Variants in CTNNA3 observed in about 807,000 individuals in gnomAD.
The protein encoded by CTNNA3 is catenin alpha 3.
Under a neutral mutation model 95.7 loss-of-function variants are expected in CTNNA3, and 76 were observed. That is an observed-to-expected ratio of 0.79 (90% CI 0.66 to 0.96). The LOEUF (loss-of-function observed/expected upper bound fraction) is 0.96, where lower values mean the gene tolerates loss of function less well. Among genes scored for constraint, CTNNA3 ranks in the 40% least tolerant of loss-of-function variants. The pLI is 0.00. For synonymous variants in CTNNA3, 431 were observed against 374.4 expected, an observed-to-expected ratio of 1.15 and a Z score of -1.74; for missense variants, 1,191 against 1,089.8, an observed-to-expected ratio of 1.09 and a Z score of -1.31.
intron 6 of CTNNA3, among the ~76,000 whole-genome samples, chr10:67,213,636 T>C (rs1193607679): frequency 6.6e-6 from 1 of 151,836 alleles, no homozygotes; most frequent in Non-Finnish European, 1.5e-5. Context: ...GTTGTTATTA[T>C]ACATTATCAT....
intron 9 of CTNNA3, among the ~76,000 whole-genome samples, chr10:66,656,443 A>T (rs1321054641): frequency 1.3e-5 from 2 of 152,112 alleles, no homozygotes; most frequent in East Asian, 3.9e-4. Context: ...CAGGTGAAGT[A>T]GAAGGAGCAG....
chr10:67,407,636 G>T (rs1845187515), intron 5 of CTNNA3, among the ~76,000 whole-genome samples: 1 of 152,192 alleles, frequency 6.6e-6, no homozygotes, highest in African/African-American at 2.4e-5. Flanking sequence ...CTCTTCGTTT[G>T]CAGGTGACAT....
chr10:67,084,654 C>T (rs1324171369), intron 7 of CTNNA3, among the ~76,000 whole-genome samples: 3 of 151,744 alleles, frequency 2.0e-5, no homozygotes, highest in African/African-American at 7.3e-5. Context: ...GTAACAGATA[C>T]TTTGATAACT....
chr10:67,289,777 T>TGGATGGAC (rs1416131199), intron 5 of CTNNA3, among the ~76,000 whole-genome samples: 3 of 139,192 alleles, frequency 2.2e-5, no homozygotes, highest in African/African-American at 1.0e-4. Context: ...GATGGATGGA[T>TGGATGGAC]GGACGGATGG....
At chr10:67,323,520 A>G (rs1841412192) in intron 5 of CTNNA3, among the ~76,000 whole-genome samples, 1 of 152,032 alleles carries the variant, frequency 6.6e-6, no homozygotes, top group Non-Finnish European at 1.5e-5. Flanking sequence ...AAGATCAGAT[A>G]GTTGAGGTGT....
rs2077000901 is a variant in CTNNA3 at position 65,915,839 on chromosome 10, G to A, written c.*4491C>T. On this transcript the variant is annotated 3_prime_UTR_variant, in exon 18 of 18. Coordinates refer to ENST00000433211, the MANE Select transcript of CTNNA3 (RefSeq NM_013266.4). ...TTTATTTTGCTTTAATAGAATATAT[G>A]TTTTTGTTCATATGAATTGGTTAAA... 1 of 152,126 alleles carries A rather than the reference G, an allele frequency of 6.6e-6. No homozygotes were observed. The highest frequency in any genetic ancestry group is 1.5e-5 in the Non-Finnish European group (1 of 68,010). The allele number at this position is 152,126 out of a possible 1,614,324, so 9.4% of individuals were successfully genotyped here. A position where few individuals can be genotyped will look rare whatever the true frequency, so the allele number is the denominator to read the frequency against.
At chr10:66,549,059 G>A (rs185368643) in intron 10 of CTNNA3, among the ~76,000 whole-genome samples, 9 of 129,168 alleles carry the variant, frequency 7.0e-5, no homozygotes, top group South Asian at 2.5e-4. Flanking sequence ...CGCAATCTCC[G>A]CTCACTGCAA....
chr10:66,199,225 G>C (rs1248501055), intron 13 of CTNNA3, among the ~76,000 whole-genome samples: 3 of 152,078 alleles, frequency 2.0e-5, no homozygotes, highest in Non-Finnish European at 4.4e-5. Flanking sequence ...CATAGAGCTA[G>C]TGGAAACATC....
chr10:67,243,337 T>C (rs1169118471), intron 5 of CTNNA3, among the ~76,000 whole-genome samples: 2 of 152,318 alleles, frequency 1.3e-5, no homozygotes, highest in East Asian at 3.9e-4. Flanking sequence ...TATACACCCT[T>C]GCTCTGTTCC....
chr10:66,824,708 G>A (rs1252296283), intron 7 of CTNNA3, among the ~76,000 whole-genome samples: 1 of 152,078 alleles, frequency 6.6e-6, no homozygotes, highest in Non-Finnish European at 1.5e-5. Flanking sequence ...ATTGAAAGAC[G>A]TTCTATAAAA....
intron 11 of CTNNA3, among the ~76,000 whole-genome samples, chr10:66,404,774 T>G (rs1038573326): frequency 1.6e-5 from 2 of 126,282 alleles, no homozygotes; most frequent in African/African-American, 7.1e-5. Context: ...ATGAGGTTTT[T>G]CCTGTGGGTT....
At chr10:67,684,897 GTGT>G (rs1167494078) in intron 1 of CTNNA3, among the ~76,000 whole-genome samples, 2 of 152,232 alleles carry the variant, frequency 1.3e-5, no homozygotes, top group Non-Finnish European at 2.9e-5. Context: ...AGTTTGAAAG[GTGT>G]TGTCTGATTT....
chr10:66,026,406 C>T (rs1380927315), intron 15 of CTNNA3, among the ~76,000 whole-genome samples: 1 of 152,084 alleles, frequency 6.6e-6, no homozygotes, highest in African/African-American at 2.4e-5. Context: ...CCGGTTTAGT[C>T]TCGATTGTTC....
chr10:66,809,547 G>A (rs891729449), intron 7 of CTNNA3, among the ~76,000 whole-genome samples: 36 of 152,024 alleles, frequency 2.4e-4, no homozygotes, highest in African/African-American at 8.0e-4. Flanking sequence ...TCACCTTTAA[G>A]TAATGGTGAT....
At chr10:66,224,734 CAT>C (rs1204123216) in intron 13 of CTNNA3, among the ~76,000 whole-genome samples, 1 of 152,120 alleles carries the variant, frequency 6.6e-6, no homozygotes, top group Non-Finnish European at 1.5e-5. Flanking sequence ...ACGAACCAAA[CAT>C]AGAAATCTCA....
intron 13 of CTNNA3, among the ~76,000 whole-genome samples, chr10:66,117,362 T>C (rs1012693703): frequency 3.3e-5 from 5 of 152,300 alleles, no homozygotes; most frequent in East Asian, 1.9e-4. Context: ...ATGCTACTAA[T>C]ATAATATAGT....
intron 7 of CTNNA3, among the ~76,000 whole-genome samples, chr10:67,089,117 A>AC (rs563529649): frequency 7.8e-4 from 118 of 151,624 alleles, no homozygotes; most frequent in South Asian, 2.1e-3. Context: ...AACCTAAGGG[A>AC]CCCCCCATAG....
At chr10:67,521,358 A>G (rs756875311) in intron 5 of CTNNA3, among the ~76,000 whole-genome samples, 2 of 152,228 alleles carry the variant, frequency 1.3e-5, no homozygotes, top group African/African-American at 2.4e-5. Context: ...AATCTTCCAC[A>G]CTTAGCAAAT....
At chr10:65,998,167 T>G (rs2133356186) in intron 15 of CTNNA3, among the ~76,000 whole-genome samples, 1 of 152,388 alleles carries the variant, frequency 6.6e-6, no homozygotes, top group Non-Finnish European at 1.5e-5. Context: ...TTTTAATTTT[T>G]GGAGAAGTTT....
Sources: gnomAD v4.1 joint callset for allele counts (sites outside exome capture counted in the v4.1 genomes callset) on GRCh38, gnomAD v4.1.1 for gene constraint, MANE v1.5 for transcripts, NCBI Gene and HGNC (gene_info 2026-07-23, HGNC 2026-07-21) for gene names.